GTF2F2: variants seen among roughly 807,000 people sequenced by gnomAD.
GTF2F2 encodes the protein ATP-dependent helicase GTF2F2.
GTF2F2 carries 23 observed loss-of-function variants against 42.2 expected under a neutral mutation model. That is an observed-to-expected ratio of 0.55 (90% CI 0.39 to 0.77). GTF2F2 has a LOEUF of 0.77. Ranked by LOEUF, GTF2F2 falls within the 30% of genes least tolerant of loss-of-function variation. The pLI, the probability that GTF2F2 is intolerant of heterozygous loss-of-function variation, is 0.00. For missense variants in GTF2F2, 261 were observed against 287.2 expected (o/e 0.91, Z 0.66); for synonymous variants, 105 against 100.8 (o/e 1.04, Z -0.25).
chr13:45,140,994 A>G (rs938313787), intron 2 of GTF2F2, among the ~76,000 whole-genome samples: 5 of 152,230 alleles, frequency 3.3e-5, no homozygotes, highest in African/African-American at 9.6e-5. Flanking sequence ...ATGCCTTCCC[A>G]ACCCATAGGA....
At chr13:45,145,434 A>C (rs944255819) in intron 2 of GTF2F2, among the ~76,000 whole-genome samples, 24 of 152,184 alleles carry the variant, frequency 1.6e-4, no homozygotes, top group Admixed American at 1.6e-3. Flanking sequence ...TTTAGAAACT[A>C]AGATCTGGAT....
At chr13:45,278,816 CTTTTTTTTTT>C (rs1157972776) in intron 7 of GTF2F2, among the ~76,000 whole-genome samples, 47 of 62,306 alleles carry the variant, frequency 7.5e-4, no homozygotes, top group Admixed American at 2.2e-3. Flanking sequence ...TTTTCTTTTT[CTTTTTTTTTT>C]TTTTTTTTTT....
intron 4 of GTF2F2, among the ~76,000 whole-genome samples, chr13:45,184,394 G>T (rs6561208): frequency 1.4e-5 from 2 of 144,920 alleles, no homozygotes; most frequent in Admixed American, 6.8e-5. Flanking sequence ...ATTCCCCCCC[G>T]CCCTTTTTTT....
At chr13:45,145,532 A>G (rs1427967049) in intron 2 of GTF2F2, among the ~76,000 whole-genome samples, 2 of 152,178 alleles carry the variant, frequency 1.3e-5, no homozygotes, top group East Asian at 3.9e-4. Context: ...TCCCCCACAC[A>G]CATCCCTCTT....
At chr13:45,155,180 A>AG (rs1174700535) in intron 4 of GTF2F2, among the ~76,000 whole-genome samples, 8 of 152,226 alleles carry the variant, frequency 5.3e-5, no homozygotes, top group Non-Finnish European at 1.0e-4. Context: ...CTACAGAACC[A>AG]CTACCCTAGT....
chr13:45,137,642 T>G (rs757196236), intron 2 of GTF2F2, among the ~76,000 whole-genome samples: 4 of 152,194 alleles, frequency 2.6e-5, no homozygotes, highest in African/African-American at 9.7e-5. Flanking sequence ...TCTAGCAAGC[T>G]CATTCACATG....
At chr13:45,240,354 C>CA (rs1566147282) in intron 5 of GTF2F2, among the ~76,000 whole-genome samples, 4 of 151,820 alleles carry the variant, frequency 2.6e-5, no homozygotes, top group Admixed American at 6.6e-5. Context: ...TTGTTTAAAA[C>CA]AAAAAACCCC....
chr13:45,272,438 A>C (rs1876836046), intron 7 of GTF2F2, among the ~76,000 whole-genome samples: 3 of 142,604 alleles, frequency 2.1e-5, no homozygotes, highest in Middle Eastern at 3.6e-3. Flanking sequence ...AAAAAAAAAA[A>C]AACAAAAAAA....
chr13:45,229,207 G>A (rs902487806), intron 5 of GTF2F2, among the ~76,000 whole-genome samples: 14 of 151,688 alleles, frequency 9.2e-5, no homozygotes, highest in African/African-American at 2.7e-4. Flanking sequence ...CACTCCCCTC[G>A]CTCCCTCTTT....
At chr13:45,224,622 G>C (rs1038436455) in intron 5 of GTF2F2, among the ~76,000 whole-genome samples, 5 of 152,322 alleles carry the variant, frequency 3.3e-5, no homozygotes, top group African/African-American at 1.2e-4. Flanking sequence ...TGTTGTTAAT[G>C]TGATACACTT....
chr13:45,178,484 A>G (rs1871991823), intron 4 of GTF2F2, among the ~76,000 whole-genome samples: 1 of 149,550 alleles, frequency 6.7e-6, no homozygotes, highest in African/African-American at 2.5e-5. Flanking sequence ...GAGAATTCCA[A>G]TCTCTGAAGT....
chr13:45,267,289 A>G lies in GTF2F2; in HGVS notation c.543A>G (p.Gln181=), dbSNP rs1876603189. ...GAAAGCGAGCTCGAGCTGATAAACAACATGTTTTAGACATGCTATTTTCAG... is the reference window on the plus strand; with the variant it reads ...GAAAGCGAGCTCGAGCTGATAAACAGCATGTTTTAGACATGCTATTTTCAG... The part of the protein sequence containing the change: ...EDGKRARADK[Q]HVLDMLFSAF... Residue 181 remains glutamine (Q), a synonymous_variant, in exon 7 of 8, where the codon CAA becomes CAG. Coordinates refer to ENST00000340473, the MANE Select transcript of GTF2F2 (RefSeq NM_004128.3). 6.2e-7 allele frequency: 1 copy of G among 1,611,462 alleles called. No individual in the cohort carries two copies. Among genetic ancestry groups the G allele is most frequent in the Non-Finnish European group, 8.5e-7 (1 of 1,177,646 alleles).
chr13:45,234,774 G>A (rs1018211377), intron 5 of GTF2F2, among the ~76,000 whole-genome samples: 6 of 152,036 alleles, frequency 3.9e-5, no homozygotes, highest in African/African-American at 4.8e-5. Context: ...ATGCCAGTGC[G>A]GTGGCTCATG....
chr13:45,197,544 G>A (rs892656489), intron 4 of GTF2F2, among the ~76,000 whole-genome samples: 5 of 148,408 alleles, frequency 3.4e-5, no homozygotes, highest in African/African-American at 7.4e-5. Flanking sequence ...AGTAGGCCCC[G>A]CTGTATGCCT....
At chr13:45,186,080 T>C (rs554103800) in intron 4 of GTF2F2, among the ~76,000 whole-genome samples, 2 of 152,072 alleles carry the variant, frequency 1.3e-5, no homozygotes, top group South Asian at 4.2e-4. Flanking sequence ...GTTCAAACGA[T>C]TCTTGTGCCT....
chr13:45,238,945 G>GAAA (rs201402405), intron 5 of GTF2F2, among the ~76,000 whole-genome samples: 1 of 101,668 alleles, frequency 9.8e-6, no homozygotes, highest in African/African-American at 3.2e-5. Flanking sequence ...ATTCCATCTC[G>GAAA]AAAAAAAAAA....
At chr13:45,230,924 GT>G (rs553522537) in intron 5 of GTF2F2, among the ~76,000 whole-genome samples, 1 of 151,472 alleles carries the variant, frequency 6.6e-6, no homozygotes, top group South Asian at 2.1e-4. Flanking sequence ...CTTTTGTGGG[GT>G]TTTTTTTGCA....
intron 5 of GTF2F2, among the ~76,000 whole-genome samples, chr13:45,223,264 A>T (rs968768501): frequency 1.4e-3 from 44 of 31,912 alleles, no homozygotes; most frequent in East Asian, 0.018. Flanking sequence ...TGTCTCAATA[A>T]AAAAAAAAAA....
At chr13:45,219,723 T>C (rs545102605) in intron 5 of GTF2F2, 10 of 152,360 alleles carry the variant, frequency 6.6e-5, no homozygotes, top group African/African-American at 2.4e-4. Flanking sequence ...CTAGTAGTTG[T>C]GCTGTTTTGA....
Sources: gnomAD v4.1 joint callset for allele counts (sites outside exome capture counted in the v4.1 genomes callset) on GRCh38, gnomAD v4.1.1 for gene constraint, MANE v1.5 for transcripts, NCBI Gene and HGNC (gene_info 2026-07-23, HGNC 2026-07-21) for gene names.